The following SCN7A variants were observed in gnomAD, a reference collection of about 807,000 sequenced individuals.
SCN7A encodes the protein sodium channel protein type 7 subunit alpha.
A neutral mutation model predicts 155.2 loss-of-function variants in SCN7A; 138 were observed. The observed-to-expected ratio is 0.89, with a 90% CI of 0.77 to 1.02. The LOEUF is 1.02. Ranked by LOEUF, SCN7A falls within the 50% of genes least tolerant of loss-of-function variation. The pLI is 0.00. For synonymous variants in SCN7A, 693 were observed against 649.0 expected (o/e 1.07, Z -1.03); for missense variants, 2,058 against 1,986.6 (o/e 1.04, Z -0.68).
At chr2:166,483,987 T>C (rs1355322631) in intron 2 of SCN7A, among the ~76,000 whole-genome samples, 1 of 152,008 alleles carries the variant, frequency 6.6e-6, no homozygotes, top group Non-Finnish European at 1.5e-5. Context: ...TTTGTTATTC[T>C]GTAACTATAT....
At chr2:166,428,955 A>C (rs1472899452) in intron 17 of SCN7A, among the ~76,000 whole-genome samples, 1 of 152,064 alleles carries the variant, frequency 6.6e-6, no homozygotes, top group African/African-American at 2.4e-5. Flanking sequence ...AGATCTCATG[A>C]AATAGGGCCA....
Position 166,473,845 on chromosome 2 carries a change from C to G in SCN7A, c.397G>C (p.Val133Leu). Residue 133 changes from valine to leucine, a missense_variant, in exon 5 of 26, where the codon GTA becomes CTA. Physicochemically the swap from Val to Leu is conservative, Grantham distance 32. Coordinates refer to ENST00000643258, the MANE Select transcript of SCN7A (RefSeq NM_002976.4). ...FILISVLIDC[V>L]FMSLTNLPKW... is the part of the protein sequence containing the mutation. ...GGCAAATTAGTCAGGGACATGAATA[C>G]GCAATCAATCAGGACACTAATTAGA... 6.4e-7 allele frequency: 1 copy of G among 1,561,778 alleles called. No homozygotes were observed. The highest frequency in any genetic ancestry group is 8.7e-7 in the Non-Finnish European group (1 of 1,150,040).
intron 21 of SCN7A, among the ~76,000 whole-genome samples, chr2:166,414,120 T>TAATATATTATATATATGTAAATATATATA (rs1701280227): frequency 1.2e-5 from 1 of 86,402 alleles, no homozygotes; most frequent in Non-Finnish European, 2.0e-5. Context: ...TAAATATATA[T>TAATATATTATATATATGTAAATATATATA]AATATATTAT....
chr2:166,490,470 C>G (rs1210004537), intron 1 of SCN7A, among the ~76,000 whole-genome samples: 1 of 152,164 alleles, frequency 6.6e-6, no homozygotes, highest in Non-Finnish European at 1.5e-5. Context: ...AAAGAGATAT[C>G]TGCTCTCCCA....
At chr2:166,441,869 A>G (rs1345137291) in intron 14 of SCN7A, 117 bp from the exon 15 acceptor site, 1 of 682,688 alleles carries the variant, frequency 1.5e-6, no homozygotes, top group East Asian at 2.7e-5. Context: ...AGTTTTAAGC[A>G]TTATTAACTA....
In SCN7A at chr2:166,406,537, C is replaced by G; in HGVS notation, c.4092G>C (p.Lys1364Asn). The G allele has an allele frequency of 1.2e-6, 2 of 1,612,770 alleles. No individual in the cohort carries two copies. The highest frequency in any genetic ancestry group is 2.2e-5 in the South Asian group (2 of 91,056). Residue 1364 changes from lysine (K) to asparagine (N), a missense_variant, in exon 26 of 26, where the codon AAG becomes AAC. By Grantham distance (94) the Lys-to-Asn change is moderately conservative (BLOSUM62 0). Coordinates refer to ENST00000643258, the MANE Select transcript of SCN7A (RefSeq NM_002976.4). ...IHMLRLGKGP[K>N]VFHNLMLPLM... ...AAGGAAGCATCAGATTATGAAACACCTTTGGTCCTTTTCCAAGACGCAGCA... is the reference window on the plus strand; with the variant it reads ...AAGGAAGCATCAGATTATGAAACACGTTTGGTCCTTTTCCAAGACGCAGCA...
intron 2 of SCN7A, among the ~76,000 whole-genome samples, chr2:166,483,611 C>G (rs1156645092): frequency 6.6e-6 from 1 of 151,546 alleles, no homozygotes; most frequent in African/African-American, 2.4e-5. Flanking sequence ...TTTAAAACAA[C>G]AAAACTTATA....
chr2:166,406,132 T>A lies in SCN7A; in HGVS notation c.4497A>T (p.Leu1499Phe). The A allele has an allele frequency of 6.2e-7, 1 of 1,611,916 alleles. No homozygotes were observed. The highest frequency in any genetic ancestry group is 8.5e-7 in the Non-Finnish European group (1 of 1,178,876). The part of the protein sequence containing the change: ...NMYIVVVMEF[L>F]NIASKKKNKT... ...TGTTTTTCTTCTTAGAAGCAATATT[T>A]AAAAACTCCATGACAACAACAATGT... Residue 1499 changes from leucine to phenylalanine, a missense_variant, in exon 26 of 26, where the codon TTA (leucine) becomes TTT (phenylalanine). Leu to Phe is a conservative substitution (Grantham distance 22, BLOSUM62 0). Coordinates refer to ENST00000643258, the MANE Select transcript of SCN7A (RefSeq NM_002976.4).
chr2:166,427,667 G>T, intron 18 of SCN7A, 121 bp downstream of exon 18: 3 of 690,556 alleles, frequency 4.3e-6, no homozygotes, highest in Non-Finnish European at 6.5e-6. Context: ...GAAATTTGGT[G>T]CTATTTGGTG....
chr2:166,407,208 T>C (rs979473365), intron 25 of SCN7A, among the ~76,000 whole-genome samples: 3 of 152,072 alleles, frequency 2.0e-5, no homozygotes, highest in Non-Finnish European at 4.4e-5. Flanking sequence ...ATTTCATAAA[T>C]AGTACTGGGG....
intron 15 of SCN7A, among the ~76,000 whole-genome samples, chr2:166,435,735 A>T (rs1401898443): frequency 1.3e-5 from 2 of 152,104 alleles, no homozygotes; most frequent in East Asian, 1.9e-4. Flanking sequence ...ATATGTGTCT[A>T]TGATCATATT....
chr2:166,447,078 G>T (rs1187576347), intron 12 of SCN7A, among the ~76,000 whole-genome samples: 1 of 152,112 alleles, frequency 6.6e-6, no homozygotes, highest in African/African-American at 2.4e-5. Context: ...AAAGCTGAAT[G>T]AATTGAATTT....
At chr2:166,411,541 A>G (rs1031725770) in intron 23 of SCN7A, among the ~76,000 whole-genome samples, 5 of 152,002 alleles carry the variant, frequency 3.3e-5, no homozygotes, top group African/African-American at 1.2e-4. Context: ...AAAAAAAAAC[A>G]TATGCTGAGG....
At chr2:166,443,757 A>G in intron 13 of SCN7A, 81 bp from the exon 14 acceptor site, 18 of 979,834 alleles carry the variant, frequency 1.8e-5, no homozygotes, top group Non-Finnish European at 2.5e-5. Flanking sequence ...TCTGTGACAC[A>G]CACTGTTTAC....
chr2:166,453,036 C>G (rs1177195996), intron 11 of SCN7A, among the ~76,000 whole-genome samples: 1 of 152,032 alleles, frequency 6.6e-6, no homozygotes, highest in Non-Finnish European at 1.5e-5. Flanking sequence ...GTTGTGTTAT[C>G]TATAATTAAC....
At chr2:166,463,209 A>G (rs1009459130) in intron 9 of SCN7A, among the ~76,000 whole-genome samples, 2 of 152,174 alleles carry the variant, frequency 1.3e-5, no homozygotes, top group African/African-American at 4.8e-5. Context: ...ATCAAATTAA[A>G]TATTTATTTT....
At chr2:166,450,771 C>T (rs544621110) in intron 11 of SCN7A, among the ~76,000 whole-genome samples, 6 of 151,886 alleles carry the variant, frequency 4.0e-5, no homozygotes, top group African/African-American at 1.4e-4. Flanking sequence ...TCCAGCCTGG[C>T]GACAGAGTGA....
At chr2:166,426,517 T>C (rs1480635999) in intron 18 of SCN7A, among the ~76,000 whole-genome samples, 1 of 152,050 alleles carries the variant, frequency 6.6e-6, no homozygotes, top group Admixed American at 6.6e-5. Flanking sequence ...AGTCAACTAG[T>C]AAGAAAGAAA....
chr2:166,458,163 T>G (rs954202683), intron 10 of SCN7A, among the ~76,000 whole-genome samples: 6 of 151,850 alleles, frequency 4.0e-5, no homozygotes, highest in African/African-American at 1.5e-4. Flanking sequence ...CCATCTCTAC[T>G]AAAAATACAA....
Sources: gnomAD v4.1 joint callset for allele counts (sites outside exome capture counted in the v4.1 genomes callset) on GRCh38, gnomAD v4.1.1 for gene constraint, MANE v1.5 for transcripts, NCBI Gene and HGNC (gene_info 2026-07-23, HGNC 2026-07-21) for gene names.